The following WDR86 variants were observed in gnomAD, a reference collection of about 807,000 sequenced individuals.
WDR86 encodes the protein WD repeat-containing protein 86.
A neutral mutation model predicts 36.5 loss-of-function variants in WDR86; 30 were observed. The ratio of observed to expected loss-of-function variants is 0.82; its 90% CI spans 0.61 to 1.11. The LOEUF (loss-of-function observed/expected upper bound fraction) is 1.11, where lower values mean the gene tolerates loss of function less well. Among genes scored for constraint, WDR86 ranks in the 50% most tolerant of loss-of-function variants. The pLI is 0.00. For missense variants in WDR86, 545 were observed against 561.2 expected, an observed-to-expected ratio of 0.97 and a Z score of 0.29; for synonymous variants, 255 against 252.9, an observed-to-expected ratio of 1.01 and a Z score of -0.08.
intron 4 of WDR86, among the ~76,000 whole-genome samples, chr7:151,382,198 C>CCCCTG (rs1421654488): frequency 2.0e-5 from 3 of 152,224 alleles, no homozygotes; most frequent in African/African-American, 7.2e-5. Flanking sequence ...GCTGGCCCTG[C>CCCCTG]CCCTGCCCTG....
At chr7:151,408,557 A>AC (rs1211355904) in intron 1 of WDR86, 1 of 209,698 alleles carries the variant, frequency 4.8e-6, no homozygotes, top group Non-Finnish European at 1.0e-5. Context: ...CTAATATCCT[A>AC]CCTAAGTTGG....
downstream of WDR86, chr7:151,374,353 C>T (rs760759430): frequency 2.5e-5 from 34 of 1,353,838 alleles, 1 homozygote; most frequent in South Asian, 2.2e-4. Context: ...TGGGCTGCCC[C>T]GTCATCCGGA....
At chr7:151,398,070 G>A (rs964323285) in intron 2 of WDR86, among the ~76,000 whole-genome samples, 7 of 152,186 alleles carry the variant, frequency 4.6e-5, no homozygotes, top group South Asian at 2.1e-4. Context: ...AGCTGTGACC[G>A]ATCCAAAATA....
Position 151,400,100 on chromosome 7 carries a change from C to T in WDR86, c.305G>A (p.Arg102Lys). ...VYRGHTSIVN[R>K]ILVANNQLFS... Reference sequence around the variant, plus strand: ...AGCCCAAGCCCCCAGCCAGGCTGACCTGTTCACGATGGACGTGTGTCCTCG... The same window carrying T: ...AGCCCAAGCCCCCAGCCAGGCTGACTTGTTCACGATGGACGTGTGTCCTCG... The change falls in exon 2 of 6, where the codon AGG becomes AAG. Residue 102 changes from arginine (R) to lysine (K), a missense_variant and splice_region_variant. Physicochemically the swap from Arg to Lys is conservative, Grantham distance 26. Coordinates refer to ENST00000334493, the MANE Select transcript of WDR86 (RefSeq NM_198285.3). 2 of 1,578,232 alleles carry T rather than the reference C, an allele frequency of 1.3e-6. No homozygotes were observed. Among genetic ancestry groups the T allele is most frequent in the African/African-American group, 2.7e-5 (2 of 73,786 alleles).
chr7:151,407,736 G>A (rs1259032859), intron 1 of WDR86, among the ~76,000 whole-genome samples: 1 of 152,148 alleles, frequency 6.6e-6, no homozygotes, highest in Non-Finnish European at 1.5e-5. Context: ...AGCTATTCAG[G>A]AGGCCAAGGC....
chr7:151,403,742 C>A (rs1005890546), intron 1 of WDR86, among the ~76,000 whole-genome samples: 2 of 152,108 alleles, frequency 1.3e-5, no homozygotes, highest in African/African-American at 4.8e-5. Context: ...TTTTGCCAAC[C>A]CCAGAGGGTT....
chr7:151,382,715 G>T (rs146975343), intron 4 of WDR86, among the ~76,000 whole-genome samples: 237 of 152,294 alleles, frequency 1.6e-3, no homozygotes, highest in African/African-American at 5.4e-3. Flanking sequence ...GCCTAGGCTG[G>T]GCTCTCCGAA....
downstream of WDR86, chr7:151,376,852 G>A (rs1440145671): frequency 9.8e-6 from 15 of 1,536,530 alleles, no homozygotes; most frequent in African/African-American, 1.2e-4. Flanking sequence ...AGAGCAAAGT[G>A]TCTTCAGAAG....
At chr7:151,397,775 C>T (rs1323229062) in intron 2 of WDR86, among the ~76,000 whole-genome samples, 3 of 50,990 alleles carry the variant, frequency 5.9e-5, no homozygotes, top group South Asian at 4.7e-4. Flanking sequence ...GAGGGCGTAG[C>T]AGGAGGAAGG....
At chr7:151,377,095 A>G (rs1453781693), downstream of WDR86, 12 of 1,581,260 alleles carry the variant, frequency 7.6e-6, no homozygotes, top group East Asian at 6.8e-5. Flanking sequence ...GAGGCCGTCA[A>G]TGAGATACTG....
At position 151,388,407 on chromosome 7, in the gene WDR86, C is replaced by T. The variant is rs901883100; in HGVS notation, c.727-3184G>A. Among the ~76,000 whole-genome samples, 2 of 152,224 alleles carry T rather than the reference C, an allele frequency of 1.3e-5. No homozygotes were observed. Among genetic ancestry groups the T allele is most frequent in the Non-Finnish European group, 2.9e-5 (2 of 68,036 alleles). Reference sequence around the variant, plus strand: ...CCTTCACAAGGACCCCAGGTCAAGCCCAGAACCTGGGCGACCCCTCAAAGA... The same window carrying T: ...CCTTCACAAGGACCCCAGGTCAAGCTCAGAACCTGGGCGACCCCTCAAAGA... On this transcript the variant is annotated intron_variant, in intron 3 of 5. Coordinates refer to ENST00000334493, the MANE Select transcript of WDR86 (RefSeq NM_198285.3). This position sits in a 1 kb window ranked among gnomAD's most constrained non-coding sequence, Gnocchi z 4.2.
chr7:151,407,702 G>A lies in WDR86; in HGVS notation c.163+1725C>T, dbSNP rs541893076. On this transcript the variant is annotated intron_variant, in intron 1 of 5. Transcript: ENST00000334493. ...AAAAATACAAAAAAATTAGCTGGGCGTGGTGGCGAGCACCTGTAATCCCAG... is the reference window on the plus strand; with the variant it reads ...AAAAATACAAAAAAATTAGCTGGGCATGGTGGCGAGCACCTGTAATCCCAG... Among the ~76,000 whole-genome samples the A allele has an allele frequency of 7.9e-5, 12 of 152,284 alleles. No homozygotes were observed. The South Asian group carries it at 1.0e-3, about 13-fold the overall frequency.
In WDR86 at chr7:151,383,430, C is replaced by T. The variant is rs542974236; in HGVS notation, c.863-1449G>A. 1.8e-3 allele frequency among the ~76,000 whole-genome samples: 269 copies of T among 149,522 alleles called. 1 individual carries two copies. Among genetic ancestry groups the T allele is most frequent in the African/African-American group, 6.4e-3 (258 of 40,488 alleles). ...TGGAGGTGGCAGTGAGCCTAGACTG[C>T]GCCATTTCACTCCAGCCTGGGCCAC... On this transcript the variant is annotated intron_variant, in intron 4 of 5. Coordinates refer to ENST00000334493, the MANE Select transcript of WDR86 (RefSeq NM_198285.3).
At position 151,385,156 on chromosome 7, in the gene WDR86, C is replaced by A; in HGVS notation, c.794G>T (p.Gly265Val). The A allele has an allele frequency of 6.2e-7, 1 of 1,613,172 alleles. No homozygotes were observed. The change falls in exon 4 of 6, where the codon GGG (glycine) becomes GTG (valine). Residue 265 changes from glycine to valine, a missense_variant. Coordinates refer to ENST00000334493, the MANE Select transcript of WDR86 (RefSeq NM_198285.3). ...GGCCGTGAACGTGCGCACACACTCC[C>A]CTGTGTCTGCCAGCCAGCACTTGAC... ...RTVKCWLADTGECVRTFTAHR... is the reference protein window; with the variant it reads ...RTVKCWLADTVECVRTFTAHR...
At chr7:151,408,825 A>G (rs750271681) in intron 1 of WDR86, 1 of 454,416 alleles carries the variant, frequency 2.2e-6, no homozygotes, top group Non-Finnish European at 4.6e-6. Context: ...CAGGGTTTAC[A>G]GCAATGAGAG....
chr7:151,395,201 C>T (rs1454783749), intron 3 of WDR86, among the ~76,000 whole-genome samples: 1 of 152,162 alleles, frequency 6.6e-6, no homozygotes, highest in Non-Finnish European at 1.5e-5. Flanking sequence ...AGGAGGCTGC[C>T]GGCGTTCACC....
At position 151,381,195 on chromosome 7, in the gene WDR86, G is replaced by A; in HGVS notation, c.*387C>T. On this transcript the variant is annotated 3_prime_UTR_variant, in exon 6 of 6. Coordinates refer to ENST00000334493, the MANE Select transcript of WDR86 (RefSeq NM_198285.3). This position sits in a 1 kb window ranked among gnomAD's most constrained non-coding sequence, Gnocchi z 4.8. ...GACGGACGATTTGCCAAAATAACCA[G>A]GTTCAGTGGCTTCTGTAAAAAGTCA... 7.9e-7 allele frequency: 1 copy of A among 1,259,232 alleles called. No individual in the cohort carries two copies. The highest frequency in any genetic ancestry group is 9.9e-7 in the Non-Finnish European group (1 of 1,005,364). 78.0% of individuals were successfully genotyped at this position (1,259,232 alleles called of 1,614,324 possible). A position where few individuals can be genotyped will look rare whatever the true frequency, so the allele number is the denominator to read the frequency against.
intron 4 of WDR86, among the ~76,000 whole-genome samples, chr7:151,383,181 G>GC (rs978736829): frequency 2.0e-5 from 3 of 150,910 alleles, no homozygotes; most frequent in South Asian, 2.1e-4. Context: ...GGCGGGGTGG[G>GC]GGGGGGGAGC....
intron 3 of WDR86, among the ~76,000 whole-genome samples, chr7:151,389,721 C>G (rs144082050): frequency 6.6e-6 from 1 of 152,100 alleles, no homozygotes; most frequent in East Asian, 1.9e-4. Context: ...CAGGCCTGTA[C>G]GCATAGGAGA....
Sources: gnomAD v4.1 joint callset for allele counts (sites outside exome capture counted in the v4.1 genomes callset) on GRCh38, gnomAD v4.1.1 for gene constraint, Gnocchi (gnomAD v3.1) non-coding constraint, MANE v1.5 for transcripts, NCBI Gene and HGNC (gene_info 2026-07-23, HGNC 2026-07-21) for gene names.